Variants in AKAP3 observed in about 807,000 individuals in gnomAD.
AKAP3 encodes A-kinase anchor protein 3.
A neutral mutation model predicts 57.2 loss-of-function variants in AKAP3; 27 were observed. That is an observed-to-expected ratio of 0.47 (90% CI 0.35 to 0.65). The LOEUF (loss-of-function observed/expected upper bound fraction) is 0.65, where lower values mean the gene tolerates loss of function less well. Ranked by LOEUF, AKAP3 falls within the 30% of genes least tolerant of loss-of-function variation. AKAP3 has a pLI of 0.01. For synonymous variants in AKAP3, 334 were observed against 392.3 expected (o/e 0.85, Z 1.76); for missense variants, 959 against 1,040.0 (o/e 0.92, Z 1.07).
intron 4 of AKAP3, chr12:4,631,246 T>C: frequency 1.5e-6 from 1 of 667,478 alleles, no homozygotes; most frequent in South Asian, 1.7e-5. Flanking sequence ...GGATTAATGA[T>C]TTATAGAGTT....
intron 1 of AKAP3, chr12:4,647,810 T>C (rs982881987): frequency 1.3e-5 from 2 of 152,194 alleles, no homozygotes; most frequent in African/African-American, 4.8e-5. Context: ...CAAGGTTTTT[T>C]TCTCTCTTCC....
rs570293923 is a variant in AKAP3, at chr12:4,622,378, A to G, written c.2406+4118T>C. 1.1e-4 allele frequency among the ~76,000 whole-genome samples: 16 copies of G among 152,348 alleles called. No homozygotes were observed. The East Asian group carries it at 2.9e-3, about 28-fold the overall frequency. On this transcript the variant is annotated intron_variant, in intron 5 of 5. Coordinates refer to ENST00000228850, the MANE Select transcript of AKAP3 (RefSeq NM_001278309.2). ...GAGGCATCACATTACTCAACTTCAA[A>G]CTATACTCCAGGACCACAGTAACCA...
intron 5 of AKAP3, among the ~76,000 whole-genome samples, chr12:4,621,102 A>G (rs999829015): frequency 6.6e-6 from 1 of 152,124 alleles, no homozygotes; most frequent in Non-Finnish European, 1.5e-5. Context: ...TTGTATCTTC[A>G]TTTTTAATAA....
At chr12:4,635,586 C>G (rs1945554508) in intron 4 of AKAP3, 1 of 719,436 alleles carries the variant, frequency 1.4e-6, no homozygotes, top group Non-Finnish European at 2.6e-6. Flanking sequence ...GCTAGGTCAG[C>G]CTTGTTTCCT....
chr12:4,626,101 C>T (rs1197399598), intron 5 of AKAP3, among the ~76,000 whole-genome samples: 2 of 152,088 alleles, frequency 1.3e-5, no homozygotes, highest in African/African-American at 4.8e-5. Flanking sequence ...TAAATTCAGA[C>T]TCTGCCTCTT....
chr12:4,628,884 A>AGCCCTCT, intron 4 of AKAP3, 79 bp from the exon 5 acceptor site: 1 of 1,451,618 alleles, frequency 6.9e-7, no homozygotes, highest in Admixed American at 2.2e-5. Flanking sequence ...AAGTTCAGTT[A>AGCCCTCT]CAAATGTCAT....
rs1945589382 is a variant in AKAP3 at position 4,638,155 on chromosome 12, T to C, written c.42A>G (p.Val14=). The C allele has an allele frequency of 1.9e-6, 3 of 1,613,272 alleles. No homozygotes were observed. The highest frequency in any genetic ancestry group is 8.5e-7 in the Non-Finnish European group (1 of 1,179,840). ...KVDWLQSQNG[V]CKVDVYSPGD... ...CAGGAGAATAGACATCAACTTTGCATACTCCATTTTGGCTTTGTAACCAGT... is the reference window on the plus strand; with the variant it reads ...CAGGAGAATAGACATCAACTTTGCACACTCCATTTTGGCTTTGTAACCAGT... The change falls in exon 4 of 6, where the codon GTA becomes GTG. Residue 14 remains valine (V), a synonymous_variant. Coordinates refer to ENST00000228850, the MANE Select transcript of AKAP3 (RefSeq NM_001278309.2).
chr12:4,644,294 G>A (rs1443482695), intron 2 of AKAP3, among the ~76,000 whole-genome samples: 1 of 152,142 alleles, frequency 6.6e-6, no homozygotes, highest in Non-Finnish European at 1.5e-5. Flanking sequence ...CAAGACTTCA[G>A]AAATAACAGT....
At chr12:4,638,225 G>A in intron 3 of AKAP3, 29 bp from the exon 4 acceptor site, 2 of 1,507,092 alleles carry the variant, frequency 1.3e-6, no homozygotes, top group Non-Finnish European at 1.8e-6. Flanking sequence ...AATGAGAAAG[G>A]GTCATCACAA....
At chr12:4,639,138 T>C (rs538377325) in intron 3 of AKAP3, among the ~76,000 whole-genome samples, 2 of 152,332 alleles carry the variant, frequency 1.3e-5, no homozygotes, top group Admixed American at 1.3e-4. Context: ...TTGGCCTTAG[T>C]CTCACACACT....
Position 4,631,628 on chromosome 12 carries a change from T to A in AKAP3, c.97-2823A>T, listed in dbSNP as rs1400589297. Among the ~76,000 whole-genome samples the A allele has an allele frequency of 2.0e-5, 3 of 152,228 alleles. No individual in the cohort carries two copies. The East Asian group carries it at 5.8e-4, about 29-fold the overall frequency. ...ACACGCACACAAACACACACGTAAATTACATATTCTTGTATCCCCAGAAAA... is the reference window on the plus strand; with the variant it reads ...ACACGCACACAAACACACACGTAAAATACATATTCTTGTATCCCCAGAAAA... On this transcript the variant is annotated intron_variant, in intron 4 of 5. Transcript: ENST00000228850.
rs1945414242 is a variant in AKAP3, at chr12:4,626,580, T to C, written c.2322A>G (p.Gln774=). The change falls in exon 5 of 6, where the codon CAA becomes CAG. Residue 774 remains glutamine, a synonymous_variant. Transcript: ENST00000228850. The stretch of plus-strand genomic sequence containing the variant: ...AGGCAGCTACCCATTGAAGGACGGC[T>C]TGGAGTTGCTTGTTCTGAACTGTGT... ...LTDTVQNKQL[Q]AVLQWVAASE... is the part of the protein sequence containing the mutation. 2 of 1,614,088 alleles carry C rather than the reference T, an allele frequency of 1.2e-6. No homozygotes were observed. Among genetic ancestry groups the C allele is most frequent in the African/African-American group, 1.3e-5 (1 of 74,938 alleles).
intron 5 of AKAP3, among the ~76,000 whole-genome samples, chr12:4,624,399 C>CG (rs1945385386): frequency 3.4e-5 from 5 of 147,688 alleles, no homozygotes; most frequent in African/African-American, 7.5e-5. Flanking sequence ...TTGATCCAAA[C>CG]AATTTTTTTC....
Position 4,627,578 on chromosome 12 carries a change from C to G in AKAP3, c.1324G>C (p.Glu442Gln), listed in dbSNP as rs1945436519. The G allele has an allele frequency of 2.5e-6, 4 of 1,614,068 alleles. No individual in the cohort carries two copies. Among genetic ancestry groups the G allele is most frequent in the Non-Finnish European group, 3.4e-6 (4 of 1,180,042 alleles). Residue 442 changes from glutamate to glutamine, a missense_variant, in exon 5 of 6, where the codon GAG (glutamate) becomes CAG (glutamine). Glu to Gln is a conservative substitution (Grantham distance 29, BLOSUM62 2). Transcript: ENST00000228850. ...CCCAGAGTTTTCGCACAAGTCTCCT[C>G]CTCTGATTTGGGTTCAGAATACATT... ...EKMYSEPKSEEETCAKTLGEH... is the reference protein window; with the variant it reads ...EKMYSEPKSEQETCAKTLGEH...
chr12:4,628,379 C>G lies in AKAP3; in HGVS notation c.523G>C (p.Ala175Pro). The G allele has an allele frequency of 6.2e-7, 1 of 1,614,194 alleles. No individual in the cohort carries two copies. Among genetic ancestry groups the G allele is most frequent in the Non-Finnish European group, 8.5e-7 (1 of 1,180,022 alleles). The change falls in exon 5 of 6, where the codon GCA becomes CCA. Residue 175 changes from alanine to proline, a missense_variant. Physicochemically the swap from Ala to Pro is conservative, Grantham distance 27. Transcript: ENST00000228850. ...ACGGTCTCATTCACAAGCTCTGATG[C>G]TATCTTACTGAGGCTTTTGGTGGGT... ...PTPTKSLSKI[A>P]SELVNETVSA...
intron 2 of AKAP3, 80 bp downstream of exon 2, chr12:4,644,975 T>C (rs138250320): frequency 6.6e-6 from 1 of 152,248 alleles, no homozygotes; most frequent in Non-Finnish European, 1.5e-5. Context: ...AATTTTCCTA[T>C]CACTTGTCAT....
At chr12:4,638,726 T>C (rs548086516) in intron 3 of AKAP3, among the ~76,000 whole-genome samples, 1 of 152,340 alleles carries the variant, frequency 6.6e-6, no homozygotes, top group African/African-American at 2.4e-5. Context: ...CCCTCCTCAT[T>C]AGCCAAGGAT....
intron 5 of AKAP3, among the ~76,000 whole-genome samples, chr12:4,623,827 C>T (rs892509932): frequency 6.6e-6 from 1 of 152,070 alleles, no homozygotes; most frequent in African/African-American, 2.4e-5. Context: ...GTCTTATATG[C>T]AAAGATACTC....
chr12:4,633,446 CTA>C (rs1017146341), intron 4 of AKAP3, among the ~76,000 whole-genome samples: 15 of 152,274 alleles, frequency 9.9e-5, no homozygotes, highest in Middle Eastern at 3.4e-3. Context: ...TTACTCCCCT[CTA>C]TCCACAGGGA....
Sources: gnomAD v4.1 joint callset for allele counts (sites outside exome capture counted in the v4.1 genomes callset) on GRCh38, gnomAD v4.1.1 for gene constraint, MANE v1.5 for transcripts, NCBI Gene and HGNC (gene_info 2026-07-23, HGNC 2026-07-21) for gene names.